Variants in BMPR1A observed in about 807,000 individuals in gnomAD.
The protein encoded by BMPR1A is bone morphogenetic protein receptor type-1A.
BMPR1A carries 7 observed loss-of-function variants against 66.0 expected under a neutral mutation model. The observed-to-expected ratio is 0.11, with a 90% confidence interval of 0.06 to 0.20. The LOEUF is 0.20. Among genes scored for constraint, BMPR1A ranks in the 10% least tolerant of loss-of-function variants. The pLI is 1.00. For missense variants in BMPR1A, 408 were observed against 669.1 expected (o/e 0.61, Z 4.31); for synonymous variants, 200 against 229.7 (o/e 0.87, Z 1.17).
intron 7 of BMPR1A, among the ~76,000 whole-genome samples, chr10:86,903,706 G>A (rs951871095): frequency 6.6e-6 from 1 of 151,862 alleles, no homozygotes; most frequent in Non-Finnish European, 1.5e-5. Context: ...CCACCTCCCG[G>A]GTTTACGCCA....
chr10:86,780,532 T>C (rs1421334871), intron 1 of BMPR1A, among the ~76,000 whole-genome samples: 5 of 152,106 alleles, frequency 3.3e-5, no homozygotes. Flanking sequence ...CCTCCCAGGT[T>C]CAAGCAATTC....
intron 7 of BMPR1A, among the ~76,000 whole-genome samples, chr10:86,906,119 G>A (rs1463946592): frequency 2.0e-5 from 3 of 152,166 alleles, no homozygotes; most frequent in South Asian, 2.1e-4. Context: ...TTTTCCCAAG[G>A]TATTTTCACT....
chr10:86,817,218 A>G (rs1011576919), intron 1 of BMPR1A, among the ~76,000 whole-genome samples: 6 of 152,180 alleles, frequency 3.9e-5, no homozygotes, highest in Admixed American at 1.3e-4. Flanking sequence ...CTGAAAATAT[A>G]CTCATCTTGT....
intron 8 of BMPR1A, among the ~76,000 whole-genome samples, chr10:86,912,730 T>G (rs1323641903): frequency 6.6e-6 from 1 of 152,178 alleles, no homozygotes; most frequent in Non-Finnish European, 1.5e-5. Context: ...TAAAGAGGAA[T>G]CAGGTATAAG....
intron 3 of BMPR1A, among the ~76,000 whole-genome samples, chr10:86,885,793 A>G (rs1281290982): frequency 6.6e-6 from 1 of 152,234 alleles, no homozygotes; most frequent in Non-Finnish European, 1.5e-5. Context: ...TCTGTTGTAG[A>G]CATTCTATCT....
intron 1 of BMPR1A, among the ~76,000 whole-genome samples, chr10:86,778,019 AAAAATT>A (rs1293833632): frequency 3.3e-5 from 5 of 152,090 alleles, no homozygotes; most frequent in African/African-American, 9.7e-5. Context: ...AAAAAAAAAA[AAAAATT>A]AAATTGACAA....
At chr10:86,827,103 C>T (rs1717082635) in intron 1 of BMPR1A, among the ~76,000 whole-genome samples, 2 of 152,074 alleles carry the variant, frequency 1.3e-5, no homozygotes, top group South Asian at 2.1e-4. Context: ...TTTTGAACTC[C>T]TTCATCCCTC....
chr10:86,766,033 T>C (rs1357543421), intron 1 of BMPR1A, among the ~76,000 whole-genome samples: 1 of 149,714 alleles, frequency 6.7e-6, no homozygotes, highest in African/African-American at 2.4e-5. Flanking sequence ...TTGCCCAGGC[T>C]GCAGTGGTGC....
chr10:86,906,897 G>T (rs1843402493), intron 7 of BMPR1A, among the ~76,000 whole-genome samples: 1 of 151,468 alleles, frequency 6.6e-6, no homozygotes, highest in African/African-American at 2.4e-5. Flanking sequence ...TTTTAGTTCA[G>T]GTAACTTCTA....
intron 7 of BMPR1A, among the ~76,000 whole-genome samples, chr10:86,902,411 C>T (rs1843325580): frequency 2.0e-5 from 3 of 151,804 alleles, no homozygotes; most frequent in Admixed American, 2.0e-4. Context: ...GCTACCTACA[C>T]TTTTCACTGT....
intron 1 of BMPR1A, among the ~76,000 whole-genome samples, chr10:86,773,601 A>G (rs11818208): frequency 4.2e-5 from 6 of 141,368 alleles, no homozygotes; most frequent in South Asian, 2.1e-4. Flanking sequence ...CAGAAAGAAA[A>G]AAAAAAAAAA....
At chr10:86,790,868 C>T (rs1420686242) in intron 1 of BMPR1A, among the ~76,000 whole-genome samples, 4 of 152,134 alleles carry the variant, frequency 2.6e-5, no homozygotes, top group Non-Finnish European at 4.4e-5. Flanking sequence ...TTTTATTATA[C>T]GTCAATTATA....
chr10:86,855,458 C>T (rs749337400), intron 2 of BMPR1A: 1 of 595,808 alleles, frequency 1.7e-6, no homozygotes, highest in Non-Finnish European at 3.0e-6. Flanking sequence ...TTATTTCTGA[C>T]CTACTGTATT....
chr10:86,827,693 T>G lies in BMPR1A; in HGVS notation c.-267-11172T>G, dbSNP rs190091190. Among the ~76,000 whole-genome samples, 11 of 152,296 alleles carry G rather than the reference T, an allele frequency of 7.2e-5. No individual in the cohort carries two copies. In the East Asian group the frequency reaches 2.1e-3, roughly 29 times the overall value. ...TTTGTGAGAGGATGGACAAGTGAGT[T>G]AGTGAGTTACATTTCATTTGTTTTG... On this transcript the variant is annotated intron_variant, in intron 1 of 12. Coordinates refer to ENST00000372037, the MANE Select transcript of BMPR1A (RefSeq NM_004329.3).
At chr10:86,841,977 A>G (rs1038967648) in intron 2 of BMPR1A, among the ~76,000 whole-genome samples, 4 of 152,178 alleles carry the variant, frequency 2.6e-5, no homozygotes, top group East Asian at 1.9e-4. Flanking sequence ...AACATCCCCT[A>G]TAATAAACCT....
Position 86,810,901 on chromosome 10 carries a change from T to TTG in BMPR1A, c.-267-27946_-267-27945dup, listed in dbSNP as rs3086853. ...GATGGTGCCCTTTGAAGCACAACAT[T>TTG]TGTGTGTGTGTGTGTGTGTATTTTT... On this transcript the variant is annotated intron_variant, in intron 1 of 12. Transcript: ENST00000372037. Among the ~76,000 whole-genome samples the TTG allele has an allele frequency of 8.6e-3, 1,306 of 151,522 alleles. 7 individuals are homozygous for TTG. Among genetic ancestry groups the TTG allele is most frequent in the Non-Finnish European group, 0.015 (1,007 of 67,770 alleles).
chr10:86,902,111 C>G (rs906560529), intron 7 of BMPR1A, among the ~76,000 whole-genome samples: 1 of 152,130 alleles, frequency 6.6e-6, no homozygotes, highest in African/African-American at 2.4e-5. Flanking sequence ...CCACCCACCT[C>G]GCCCTCCCAA....
At chr10:86,768,772 A>G (rs1841205682) in intron 1 of BMPR1A, among the ~76,000 whole-genome samples, 1 of 152,228 alleles carries the variant, frequency 6.6e-6, no homozygotes, top group Middle Eastern at 3.2e-3. Flanking sequence ...GTGCCTTATT[A>G]CACTCTGCTT....
rs60033850 is a variant in BMPR1A, at chr10:86,861,296, C to A, written c.-152-14571C>A. ...AGCTTCACGTGCATACAGCAGGAAT[C>A]TGTCATCTTGAGGGAGTTCTTTCTT... On this transcript the variant is annotated intron_variant, in intron 2 of 12. Coordinates refer to ENST00000372037, the MANE Select transcript of BMPR1A (RefSeq NM_004329.3). Among the ~76,000 whole-genome samples, 363 of 152,350 alleles carry A rather than the reference C, an allele frequency of 2.4e-3. 2 individuals are homozygous for A. The highest frequency in any genetic ancestry group is 8.4e-3 in the African/African-American group (350 of 41,588).
Sources: allele counts gnomAD v4.1 joint callset (sites outside exome capture counted in the v4.1 genomes callset), GRCh38; gene constraint gnomAD v4.1.1; transcripts MANE v1.5; gene names NCBI Gene and HGNC (gene_info 2026-07-23, HGNC 2026-07-21).